DCC: variants seen among roughly 807,000 people sequenced by gnomAD.
DCC encodes netrin receptor DCC.
Under a neutral mutation model 172.5 loss-of-function variants are expected in DCC, and 58 were observed. The ratio of observed to expected loss-of-function variants is 0.34; its 90% confidence interval spans 0.27 to 0.42. DCC has a LOEUF of 0.42. Among genes scored for constraint, DCC ranks in the 10% least tolerant of loss-of-function variants. DCC has a pLI of 1.00. For missense variants in DCC, 1,740 were observed against 1,791.0 expected (o/e 0.97, Z 0.51); for synonymous variants, 709 against 644.5 (o/e 1.10, Z -1.52).
intron 15 of DCC, among the ~76,000 whole-genome samples, chr18:53,365,220 C>T (rs887739972): frequency 4.0e-5 from 6 of 151,510 alleles, no homozygotes; most frequent in African/African-American, 1.5e-4. Context: ...ATGATGGTTT[C>T]CAGCCTCATC....
In DCC at chr18:53,113,086, A is replaced by C. The variant is rs571900604; in HGVS notation, c.1262-44270A>C. On this transcript the variant is annotated intron_variant, in intron 7 of 28. Coordinates refer to ENST00000442544, the MANE Select transcript of DCC (RefSeq NM_005215.4). ...TTTCTAGGGCTCCAGTGATTCAAAA[A>C]ATCCCATTAAAGTATATTTTAAAAA... is the stretch of plus-strand genomic sequence containing the variant. Among the ~76,000 whole-genome samples the C allele has an allele frequency of 2.5e-4, 38 of 151,564 alleles. No homozygotes were observed. In the East Asian group the frequency reaches 7.4e-3, roughly 30 times the overall value.
At chr18:52,401,684 C>G (rs1415856971) in intron 1 of DCC, among the ~76,000 whole-genome samples, 1 of 152,048 alleles carries the variant, frequency 6.6e-6, no homozygotes, top group Non-Finnish European at 1.5e-5. Context: ...GAATGCTGTT[C>G]TAAGTCCTAG....
chr18:52,650,134 A>G (rs2035103439), intron 1 of DCC, among the ~76,000 whole-genome samples: 1 of 151,814 alleles, frequency 6.6e-6, no homozygotes, highest in Non-Finnish European at 1.5e-5. Flanking sequence ...ATGTACCACC[A>G]CGCCTCGCTA....
intron 1 of DCC, among the ~76,000 whole-genome samples, chr18:52,494,070 CCTTCA>C (rs1222359695): frequency 2.0e-5 from 3 of 151,928 alleles, no homozygotes; most frequent in Non-Finnish European, 4.4e-5. Context: ...GGTTATTTTG[CCTTCA>C]CTTTTGATGG....
At position 52,416,135 on chromosome 18, in the gene DCC, A is replaced by G. The variant is rs867432182; in HGVS notation, c.91+75257A>G. Among the ~76,000 whole-genome samples the G allele has an allele frequency of 1.2e-3, 186 of 152,080 alleles. 2 individuals are homozygous for G. The highest frequency in any genetic ancestry group is 3.4e-3 in the Middle Eastern group (1 of 294). On this transcript the variant is annotated intron_variant, in intron 1 of 28. Transcript: ENST00000442544. ...CTGCCTTCATTTTGTTATGTACTCA[A>G]TAGTCATTCAGGAGCAGGTTGTTCA...
chr18:52,816,725 G>A (rs539324431), intron 2 of DCC: 1 of 152,092 alleles, frequency 6.6e-6, no homozygotes, highest in Non-Finnish European at 1.5e-5. Flanking sequence ...CTAGAGAGTT[G>A]CAACAGCCGA....
chr18:52,796,930 T>C (rs1192086326), intron 2 of DCC, among the ~76,000 whole-genome samples: 1 of 152,184 alleles, frequency 6.6e-6, no homozygotes, highest in Non-Finnish European at 1.5e-5. Context: ...CTCTTCTCCT[T>C]TGGGAAATTC....
chr18:52,886,554 A>G (rs1308760674), intron 2 of DCC, among the ~76,000 whole-genome samples: 1 of 152,104 alleles, frequency 6.6e-6, no homozygotes, highest in Non-Finnish European at 1.5e-5. Flanking sequence ...CTCCCCTTCT[A>G]ATGTCACTTG....
chr18:53,369,540 T>C (rs2058039380), intron 15 of DCC, among the ~76,000 whole-genome samples: 1 of 151,930 alleles, frequency 6.6e-6, no homozygotes, highest in African/African-American at 2.4e-5. Context: ...GTGTTGAAAG[T>C]GGGCATCCTT....
At chr18:52,970,287 T>C (rs2041009103) in intron 5 of DCC, among the ~76,000 whole-genome samples, 1 of 152,110 alleles carries the variant, frequency 6.6e-6, no homozygotes, top group Non-Finnish European at 1.5e-5. Context: ...ACTGTAATTA[T>C]AGGTGGCATA....
At chr18:53,349,018 C>T (rs2057757188) in intron 15 of DCC, among the ~76,000 whole-genome samples, 1 of 152,216 alleles carries the variant, frequency 6.6e-6, no homozygotes, top group South Asian at 2.1e-4. Flanking sequence ...TTGAATTTCT[C>T]CTCAGAAAAA....
intron 5 of DCC, among the ~76,000 whole-genome samples, chr18:53,061,172 C>T (rs923704533): frequency 6.6e-6 from 1 of 152,090 alleles, no homozygotes; most frequent in Non-Finnish European, 1.5e-5. Context: ...GAGGCACTCG[C>T]AGTGAGAGAA....
At chr18:53,158,156 TA>T (rs200441732) in intron 8 of DCC, among the ~76,000 whole-genome samples, 3 of 152,032 alleles carry the variant, frequency 2.0e-5, no homozygotes, top group East Asian at 1.9e-4. Flanking sequence ...AAATCAAATT[TA>T]AAAAAATAAT....
intron 1 of DCC, among the ~76,000 whole-genome samples, chr18:52,626,678 G>A (rs137983386): frequency 7.4e-4 from 113 of 152,166 alleles, no homozygotes; most frequent in African/African-American, 2.4e-3. Context: ...TTTCACATCC[G>A]TAGATTTAAC....
intron 1 of DCC, among the ~76,000 whole-genome samples, chr18:52,723,399 G>A (rs1025104288): frequency 5.3e-5 from 8 of 152,158 alleles, no homozygotes; most frequent in Admixed American, 4.6e-4. Context: ...TTGCCTACTA[G>A]GATAATTATT....
At chr18:52,364,174 C>G (rs1984742284) in intron 1 of DCC, among the ~76,000 whole-genome samples, 1 of 152,162 alleles carries the variant, frequency 6.6e-6, no homozygotes, top group African/African-American at 2.4e-5. Context: ...TTACTCTGTT[C>G]TGTGGAGACA....
chr18:53,115,605 G>T (rs554808641), intron 7 of DCC, among the ~76,000 whole-genome samples: 51 of 151,650 alleles, frequency 3.4e-4, no homozygotes, highest in South Asian at 8.3e-4. Flanking sequence ...AAGCACTGTG[G>T]TGGTTGCATT....
intron 7 of DCC, among the ~76,000 whole-genome samples, chr18:53,078,124 A>C (rs539963072): frequency 6.6e-6 from 1 of 152,262 alleles, no homozygotes; most frequent in South Asian, 2.1e-4. Flanking sequence ...GAGTACCCAG[A>C]AATATATAAG....
At chr18:52,943,436 A>G (rs2040493693) in intron 5 of DCC, among the ~76,000 whole-genome samples, 1 of 152,204 alleles carries the variant, frequency 6.6e-6, no homozygotes, top group African/African-American at 2.4e-5. Flanking sequence ...AGAAGGTGAC[A>G]TGGCAAGAGA....
Sources: gnomAD v4.1 joint callset for allele counts (sites outside exome capture counted in the v4.1 genomes callset) on GRCh38, gnomAD v4.1.1 for gene constraint, MANE v1.5 for transcripts, NCBI Gene and HGNC (gene_info 2026-07-23, HGNC 2026-07-21) for gene names.